ATXN7L1: variants seen among roughly 807,000 people sequenced by gnomAD.
ATXN7L1 encodes ataxin-7-like protein 1.
In ATXN7L1, 15 loss-of-function variants were observed where a neutral mutation model predicts 70.8. That is an observed-to-expected ratio of 0.21 (90% CI 0.14 to 0.33). ATXN7L1 has a LOEUF of 0.33. ATXN7L1 is among the 10% of genes least tolerant of loss of function. ATXN7L1 has a pLI of 1.00. For synonymous variants in ATXN7L1, 440 were observed against 445.1 expected, an observed-to-expected ratio of 0.99 and a Z score of 0.14; for missense variants, 975 against 1,097.1, an observed-to-expected ratio of 0.89 and a Z score of 1.57.
At chr7:105,698,578 C>T (rs557484306) in intron 3 of ATXN7L1, among the ~76,000 whole-genome samples, 9 of 152,206 alleles carry the variant, frequency 5.9e-5, no homozygotes, top group African/African-American at 2.2e-4. Context: ...CGCTCATGCT[C>T]GTCTCCTGGG....
intron 4 of ATXN7L1, among the ~76,000 whole-genome samples, chr7:105,663,743 AAATGAATTAAAAGCCTCAG>A (rs58865126): frequency 0.015 from 2,240 of 152,254 alleles, 62 homozygotes; most frequent in African/African-American, 0.051. Context: ...TGAGATAACA[AAATGAATTAAAAGCCTCAG>A]ATTTTTTTTT....
chr7:105,633,696 G>T (rs1796943377), intron 7 of ATXN7L1, among the ~76,000 whole-genome samples: 1 of 152,162 alleles, frequency 6.6e-6, no homozygotes, highest in African/African-American at 2.4e-5. Context: ...CTCCAGCCTG[G>T]GTGACAGGGG....
chr7:105,643,150 A>G lies in ATXN7L1; in HGVS notation c.579-29T>C, dbSNP rs1798504729. 8.8e-6 allele frequency: 13 copies of G among 1,482,774 alleles called. No homozygotes were observed. In the East Asian group the frequency reaches 3.2e-4, roughly 37 times the overall value. The allele number at this position is 1,482,774 out of a possible 1,614,324, so 91.9% of individuals were successfully genotyped here. On this transcript the variant is annotated intron_variant, in intron 4 of 11. Coordinates refer to ENST00000419735, the MANE Select transcript of ATXN7L1 (RefSeq NM_020725.2). ...AAAAATAAATGAACAAACACACACAATTGTCTTCTTTGATACATCTAGTCT... is the reference window on the plus strand; with the variant it reads ...AAAAATAAATGAACAAACACACACAGTTGTCTTCTTTGATACATCTAGTCT...
chr7:105,743,430 G>A (rs576164284), intron 3 of ATXN7L1, among the ~76,000 whole-genome samples: 1 of 152,216 alleles, frequency 6.6e-6, no homozygotes, highest in South Asian at 2.1e-4. Flanking sequence ...CACTGTCTCT[G>A]ACAAGCAGCA....
At chr7:105,619,530 ATTTTTTTTTTTTTTTT>A (rs10593739) in intron 9 of ATXN7L1, among the ~76,000 whole-genome samples, 130 of 15,094 alleles carry the variant, frequency 8.6e-3, no homozygotes, top group Middle Eastern at 0.062. Flanking sequence ...ATATATATAT[ATTTTTTTTTTTTTTTT>A]TTTTTTTTTT....
In ATXN7L1 at chr7:105,791,706, C is replaced by A. The variant is rs527992924; in HGVS notation, c.251-2998G>T. On this transcript the variant is annotated intron_variant, in intron 2 of 11. Transcript: ENST00000419735. ...TTTATTAACACTTCGCATCTCATTT[C>A]GACTTAAAGTCACATTTTATATCCA... is the stretch of plus-strand genomic sequence containing the variant. Among the ~76,000 whole-genome samples the A allele has an allele frequency of 2.8e-4, 42 of 152,288 alleles. No individual in the cohort carries two copies. In the South Asian group the frequency reaches 8.5e-3, roughly 31 times the overall value.
chr7:105,697,109 G>C (rs1006574222), intron 3 of ATXN7L1, among the ~76,000 whole-genome samples: 18 of 151,736 alleles, frequency 1.2e-4, no homozygotes, highest in Non-Finnish European at 1.6e-4. Flanking sequence ...CCACAGGACC[G>C]AGGCAAAATT....
chr7:105,820,095 G>T (rs1809889858), intron 2 of ATXN7L1: 1 of 300,518 alleles, frequency 3.3e-6, no homozygotes, highest in Non-Finnish European at 6.2e-6. Context: ...ATGGACTCCT[G>T]ATCTGAGCCC....
chr7:105,684,943 C>A (rs1805975825), intron 3 of ATXN7L1, among the ~76,000 whole-genome samples: 1 of 152,062 alleles, frequency 6.6e-6, no homozygotes, highest in Non-Finnish European at 1.5e-5. Context: ...AATGATAGGC[C>A]TCCTCTTACT....
intron 4 of ATXN7L1, among the ~76,000 whole-genome samples, chr7:105,664,556 A>C (rs921149526): frequency 1.6e-5 from 2 of 123,832 alleles, no homozygotes; most frequent in Non-Finnish European, 3.4e-5. Context: ...ATATACATAT[A>C]TATATTATGT....
rs568876742 is a variant in ATXN7L1, at chr7:105,662,768, T to G, written c.578+2298A>C. Among the ~76,000 whole-genome samples, 3 of 152,222 alleles carry G rather than the reference T, an allele frequency of 2.0e-5. No homozygotes were observed. The South Asian group carries it at 6.2e-4, about 32-fold the overall frequency. On this transcript the variant is annotated intron_variant, in intron 4 of 11. Transcript: ENST00000419735. ...GTCTGAAGAGCCATTTCTCTAATTT[T>G]TTTTAGAGAGATTTGACTTGTCAAT...
intron 3 of ATXN7L1, among the ~76,000 whole-genome samples, chr7:105,771,846 T>C (rs779568666): frequency 2.0e-5 from 3 of 152,040 alleles, no homozygotes; most frequent in Non-Finnish European, 4.4e-5. Context: ...AGAAATAAAA[T>C]CTATTGTGAC....
rs189487825 is a variant in ATXN7L1, at chr7:105,680,609, C to T, written c.356-15321G>A. On this transcript the variant is annotated intron_variant, in intron 3 of 11. Coordinates refer to ENST00000419735, the MANE Select transcript of ATXN7L1 (RefSeq NM_020725.2). The stretch of plus-strand genomic sequence containing the variant: ...CGTTTTCAGTCATTTGCAGCTTTGG[C>T]TGGAGATTGTCTGTTCCCAACAGTT... Among the ~76,000 whole-genome samples, 7 of 152,326 alleles carry T rather than the reference C, an allele frequency of 4.6e-5. No homozygotes were observed. The East Asian group carries it at 1.4e-3, about 29-fold the overall frequency.
intron 2 of ATXN7L1, among the ~76,000 whole-genome samples, chr7:105,824,610 A>G (rs140033975): frequency 1.9e-3 from 283 of 152,292 alleles, no homozygotes; most frequent in African/African-American, 6.4e-3. Context: ...AACAGAAAGT[A>G]GAAACTGATA....
At chr7:105,855,232 C>T (rs753729620) in intron 2 of ATXN7L1, among the ~76,000 whole-genome samples, 21 of 152,298 alleles carry the variant, frequency 1.4e-4, no homozygotes, top group Non-Finnish European at 2.9e-4. Flanking sequence ...GGATCACAGG[C>T]GTGAGCCACT....
chr7:105,683,008 A>G (rs1408978073), intron 3 of ATXN7L1, among the ~76,000 whole-genome samples: 2 of 152,246 alleles, frequency 1.3e-5, no homozygotes, highest in African/African-American at 4.8e-5. Flanking sequence ...CAGCAGAACA[A>G]TTAGTTTCAA....
rs767753692 is a variant in ATXN7L1 at position 105,607,876 on chromosome 7, C to G, written c.2562G>C (p.Thr854=). The G allele has an allele frequency of 1.5e-5, 23 of 1,551,838 alleles. No homozygotes were observed. In the Admixed American group the frequency reaches 1.6e-4, roughly 11 times the overall value. ...GTTATGGAAGAGTCCTTATCCTGCC[C>G]GTTCTGTTTGTGTTCTTCTAGGAAA... ...PGHSRQNTNR[T]GRIRTLP is the part of the protein sequence containing the mutation. Residue 854 remains threonine (T), a synonymous_variant, in exon 12 of 12, where the codon ACG becomes ACC. Coordinates refer to ENST00000419735, the MANE Select transcript of ATXN7L1 (RefSeq NM_020725.2).
chr7:105,695,493 C>T (rs1280065716), intron 3 of ATXN7L1, among the ~76,000 whole-genome samples: 1 of 152,076 alleles, frequency 6.6e-6, no homozygotes, highest in African/African-American at 2.4e-5. Flanking sequence ...CAGTTTGCAC[C>T]CCATCCTTTG....
At chr7:105,634,520 T>G (rs1458185164) in intron 7 of ATXN7L1, among the ~76,000 whole-genome samples, 3 of 151,954 alleles carry the variant, frequency 2.0e-5, no homozygotes, top group Admixed American at 6.6e-5. Context: ...AGATGAGAAT[T>G]TTTTTTTCCC....
Sources: allele counts gnomAD v4.1 joint callset (sites outside exome capture counted in the v4.1 genomes callset), GRCh38; gene constraint gnomAD v4.1.1; transcripts MANE v1.5; gene names NCBI Gene and HGNC (gene_info 2026-07-23, HGNC 2026-07-21).